The following MBNL3 variants were observed in gnomAD, a reference collection of about 807,000 sequenced individuals.
MBNL3 encodes muscleblind-like protein 3.
MBNL3 carries 6 observed loss-of-function variants against 24.5 expected under a neutral mutation model. The observed-to-expected ratio is 0.25, with a 90% CI of 0.13 to 0.48. The LOEUF is 0.48. Ranked by LOEUF, MBNL3 falls within the 20% of genes least tolerant of loss-of-function variation. The pLI is 0.99. For synonymous variants in MBNL3, 100 were observed against 101.7 expected (o/e 0.98, Z 0.10); for missense variants, 230 against 293.5 (o/e 0.78, Z 1.58).
At chrX:132,432,154 G>A (rs1184642057) in intron 2 of MBNL3, 1 of 111,197 alleles carries the variant, frequency 9.0e-6, no homozygotes, top group African/African-American at 3.3e-5. Flanking sequence ...AAATAAGTAT[G>A]GATATATTTG....
upstream of MBNL3, among the ~76,000 whole-genome samples, chrX:132,489,650 G>A (rs1948189800): frequency 9.0e-6 from 1 of 111,244 alleles, no homozygotes; most frequent in Non-Finnish European, 1.9e-5. Context: ...GAGGGAAACG[G>A]CGCCAGCGAG....
chrX:132,443,984 T>TCCCCCCCCCCCCCCCCCC (rs762809506), intron 1 of MBNL3, among the ~76,000 whole-genome samples: 2 of 6,154 alleles, frequency 3.2e-4, no homozygotes, highest in African/African-American at 6.1e-4. Flanking sequence ...GACTCCAGAG[T>TCCCCCCCCCCCCCCCCCC]CCGCCCCCCC....
chrX:132,484,497 T>C (rs1293989152), intron 1 of MBNL3, among the ~76,000 whole-genome samples: 4 of 111,562 alleles, frequency 3.6e-5, no homozygotes, highest in Non-Finnish European at 7.5e-5. Context: ...TTCTCAATTT[T>C]CCACACCAGT....
chrX:132,488,321 G>A (rs942878644), intron 1 of MBNL3, among the ~76,000 whole-genome samples: 3 of 111,238 alleles, frequency 2.7e-5, no homozygotes, highest in African/African-American at 6.5e-5. Context: ...TTCATTACTC[G>A]TCTGGGTTTA....
rs1569424881 is a variant in MBNL3 at position 132,396,627 on chromosome X, CA to C, written c.343-4294del. On this transcript the variant is annotated intron_variant, in intron 3 of 8. Coordinates refer to ENST00000370853, the MANE Select transcript of MBNL3 (RefSeq NM_001386889.1). ...TCCTATATATATTCATATATATATTCATATATATTCACATATATATATTCAC... is the reference window on the plus strand; with the variant it reads ...TCCTATATATATTCATATATATATTCTATATATTCACATATATATATTCAC... Among the ~76,000 whole-genome samples the C allele has an allele frequency of 1.3e-3, 47 of 35,119 alleles. 2 individuals are homozygous for C. In the East Asian group the frequency reaches 0.026, roughly 19 times the overall value. The allele number at this position is 35,119 out of a possible 115,157, so 30.5% of individuals were successfully genotyped here.
chrX:132,464,399 G>A (rs897149559), intron 1 of MBNL3, among the ~76,000 whole-genome samples: 1 of 111,793 alleles, frequency 8.9e-6, no homozygotes, highest in African/African-American at 3.3e-5. Flanking sequence ...TCAGTGAAAA[G>A]AAATAATATG....
chrX:132,412,870 G>C (rs189265320), intron 2 of MBNL3, among the ~76,000 whole-genome samples: 3 of 112,173 alleles, frequency 2.7e-5, no homozygotes, highest in African/African-American at 9.7e-5. Flanking sequence ...CAAACACAAC[G>C]AAGCACATTG....
chrX:132,485,266 G>C (rs998342990), intron 1 of MBNL3, among the ~76,000 whole-genome samples: 7 of 111,329 alleles, frequency 6.3e-5, no homozygotes, highest in Admixed American at 5.7e-4. Flanking sequence ...ACTCATGTAC[G>C]TGTGTGTTTG....
At chrX:132,469,923 ATTT>A (rs1947087542) in intron 1 of MBNL3, among the ~76,000 whole-genome samples, 1 of 111,492 alleles carries the variant, frequency 9.0e-6, no homozygotes, top group South Asian at 3.7e-4. Flanking sequence ...TTGTCCCTGA[ATTT>A]GCCTTTTCTG....
chrX:132,461,019 G>A (rs957943475), intron 1 of MBNL3, among the ~76,000 whole-genome samples: 2 of 111,761 alleles, frequency 1.8e-5, no homozygotes, highest in African/African-American at 3.3e-5. Flanking sequence ...CTCCATCCAA[G>A]TTGCTTCAAA....
At chrX:132,410,161 T>C (rs1569439065) in intron 2 of MBNL3, among the ~76,000 whole-genome samples, 1 of 111,898 alleles carries the variant, frequency 8.9e-6, no homozygotes, top group African/African-American at 3.3e-5. Flanking sequence ...CCAAATTCAA[T>C]CTATTGCCTT....
rs1045809981 is a variant in MBNL3 at position 132,370,934 on chromosome X, G to A, written c.*8732C>T. The A allele has an allele frequency of 8.9e-6, 1 of 111,880 alleles. No homozygotes were observed. The highest frequency in any genetic ancestry group is 1.9e-5 in the Non-Finnish European group (1 of 53,169). 9.2% of individuals were successfully genotyped at this position (111,880 alleles called of 1,213,427 possible). A position where few individuals can be genotyped will look rare whatever the true frequency, so the allele number is the denominator to read the frequency against. ...AGAAACTCCAAGTCTCCAATTTGAT[G>A]ATGGTCGGGAATGCTTGCCCTGAAT... On this transcript the variant is annotated 3_prime_UTR_variant, in exon 9 of 9. Transcript: ENST00000370853.
intron 1 of MBNL3, among the ~76,000 whole-genome samples, chrX:132,460,369 A>T (rs1233389935): frequency 1.8e-5 from 2 of 111,773 alleles, no homozygotes; most frequent in African/African-American, 3.2e-5. Context: ...CCAGCATAGC[A>T]GAGTGGTTAA....
rs185568499 is a variant in MBNL3, at chrX:132,457,350, C to T, written c.-703-17036G>A. ...TCTGTACATATATGTTGTTAAGTAC[C>T]AACATATATGGAAAGTAAGAAGATA... On this transcript the variant is annotated intron_variant, in intron 1 of 8. Transcript: ENST00000370853. Among the ~76,000 whole-genome samples the T allele has an allele frequency of 3.1e-3, 345 of 110,937 alleles. 1 individual carries two copies. The highest frequency in any genetic ancestry group is 0.01 in the African/African-American group (313 of 30,550).
intron 2 of MBNL3, among the ~76,000 whole-genome samples, chrX:132,434,511 G>A (rs1410237733): frequency 1.8e-5 from 2 of 112,110 alleles, no homozygotes; most frequent in Non-Finnish European, 3.8e-5. Flanking sequence ...GAGAAATCCA[G>A]TAGATGCCAC....
At chrX:132,384,441 A>G (rs1935610554) in intron 7 of MBNL3, among the ~76,000 whole-genome samples, 1 of 112,122 alleles carries the variant, frequency 8.9e-6, no homozygotes, top group Non-Finnish European at 1.9e-5. Context: ...AAATAGAGAA[A>G]TGACAGGGCC....
chrX:132,417,899 T>A (rs1427144100), intron 2 of MBNL3, among the ~76,000 whole-genome samples: 2 of 112,086 alleles, frequency 1.8e-5, no homozygotes, highest in Non-Finnish European at 3.8e-5. Flanking sequence ...AGTGTGCTAA[T>A]CTTTTACACT....
chrX:132,432,078 G>C (rs1028739619), intron 2 of MBNL3: 7 of 110,926 alleles, frequency 6.3e-5, no homozygotes, highest in African/African-American at 2.3e-4. Context: ...TCTTTTTACT[G>C]TTAATATTTT....
intron 5 of MBNL3, among the ~76,000 whole-genome samples, chrX:132,387,740 T>C (rs1285806046): frequency 8.9e-6 from 1 of 112,305 alleles, no homozygotes; most frequent in Admixed American, 9.4e-5. Context: ...ACTATGTAGA[T>C]AGTTAGCAAA....
Sources: gnomAD v4.1 joint callset for allele counts (sites outside exome capture counted in the v4.1 genomes callset) on GRCh38, gnomAD v4.1.1 for gene constraint, MANE v1.5 for transcripts, NCBI Gene and HGNC (gene_info 2026-07-23, HGNC 2026-07-21) for gene names.